The following CDC42BPA variants were observed in gnomAD, a reference collection of about 807,000 sequenced individuals.
The protein encoded by CDC42BPA is CDC42 binding protein kinase alpha.
CDC42BPA carries 80 observed loss-of-function variants against 223.5 expected under a neutral mutation model. That is an observed-to-expected ratio of 0.36 (90% CI 0.30 to 0.43). The LOEUF (loss-of-function observed/expected upper bound fraction) is 0.43. Ranked by LOEUF, CDC42BPA falls within the 20% of genes least tolerant of loss-of-function variation. The pLI is 1.00. For missense variants in CDC42BPA, 1,743 were observed against 2,099.9 expected, an observed-to-expected ratio of 0.83 and a Z score of 3.32; for synonymous variants, 694 against 718.6, an observed-to-expected ratio of 0.97 and a Z score of 0.55.
intron 5 of CDC42BPA, among the ~76,000 whole-genome samples, chr1:227,185,782 A>G (rs1351153471): frequency 6.6e-6 from 1 of 152,070 alleles, no homozygotes; most frequent in Non-Finnish European, 1.5e-5. Context: ...CTTAAGAGGA[A>G]GAATCTGGTG....
intron 1 of CDC42BPA, among the ~76,000 whole-genome samples, chr1:227,288,330 G>A (rs115576012): frequency 0.05 from 7,622 of 152,180 alleles, 240 homozygotes; most frequent in Non-Finnish European, 0.073. Context: ...AGCTGTGATC[G>A]TGCCACTATA....
intron 15 of CDC42BPA, among the ~76,000 whole-genome samples, chr1:227,093,827 T>C (rs958425884): frequency 2.0e-5 from 3 of 152,214 alleles, no homozygotes; most frequent in South Asian, 2.1e-4. Flanking sequence ...GGACAACATA[T>C]TGGAACCTTC....
In CDC42BPA at chr1:227,317,817, G is replaced by A. The variant is rs1017859473; in HGVS notation, c.-635C>T. The A allele has an allele frequency of 1.3e-5, 5 of 398,598 alleles. No individual in the cohort carries two copies. The highest frequency in any genetic ancestry group is 1.0e-4 in the African/African-American group (5 of 48,652). 24.7% of individuals were successfully genotyped at this position (398,598 alleles called of 1,614,324 possible). A position where few individuals can be genotyped will look rare whatever the true frequency, so the allele number is the denominator to read the frequency against. On this transcript the variant is annotated 5_prime_UTR_variant, in exon 1 of 37. Transcript: ENST00000366766. ...AGCCCCTCGGCTCGGAGCACGCCAAGTCTTGCCCGGAGGCGGCTTTTCGTT... is the reference window on the plus strand; with the variant it reads ...AGCCCCTCGGCTCGGAGCACGCCAAATCTTGCCCGGAGGCGGCTTTTCGTT...
chr1:227,311,128 C>A (rs1693464909), intron 1 of CDC42BPA, among the ~76,000 whole-genome samples: 1 of 152,050 alleles, frequency 6.6e-6, no homozygotes, highest in Non-Finnish European at 1.5e-5. Flanking sequence ...CCAAGGCAGG[C>A]GGATCACTTG....
chr1:227,298,337 C>T (rs1483448222), intron 1 of CDC42BPA, among the ~76,000 whole-genome samples: 3 of 150,876 alleles, frequency 2.0e-5, no homozygotes, highest in Non-Finnish European at 4.4e-5. Flanking sequence ...ATTATAATTG[C>T]CCTTACTCAA....
At chr1:227,102,211 T>C (rs554110946) in intron 14 of CDC42BPA, among the ~76,000 whole-genome samples, 1 of 152,264 alleles carries the variant, frequency 6.6e-6, no homozygotes, top group East Asian at 1.9e-4. Flanking sequence ...GACTCCTTCA[T>C]GTTTGAAGTA....
intron 16 of CDC42BPA, among the ~76,000 whole-genome samples, chr1:227,084,218 TTTAAG>T (rs1217634727): frequency 5.3e-5 from 8 of 152,326 alleles, no homozygotes; most frequent in African/African-American, 1.2e-4. Context: ...AAGTTCTTGC[TTTAAG>T]TTTTTAGAAA....
chr1:227,250,472 G>C (rs1681779155), intron 2 of CDC42BPA, among the ~76,000 whole-genome samples: 1 of 151,768 alleles, frequency 6.6e-6, no homozygotes, highest in African/African-American at 2.4e-5. Context: ...TGGGCGACAA[G>C]AGCAAAACTC....
chr1:227,107,291 A>G (rs188732509), intron 14 of CDC42BPA, among the ~76,000 whole-genome samples: 48 of 152,344 alleles, frequency 3.2e-4, no homozygotes, highest in Non-Finnish European at 5.0e-4. Context: ...CTTTAGATGC[A>G]ATTGTTAAGT....
intron 1 of CDC42BPA, among the ~76,000 whole-genome samples, chr1:227,281,881 A>G (rs889536879): frequency 1.3e-5 from 2 of 152,164 alleles, no homozygotes; most frequent in Non-Finnish European, 2.9e-5. Context: ...TCAGGAAAAA[A>G]GAGTTCTAAT....
Position 227,295,944 on chromosome 1 carries a change from A to T in CDC42BPA, c.178+21061T>A, listed in dbSNP as rs79002503. Among the ~76,000 whole-genome samples, 21 of 152,366 alleles carry T rather than the reference A, an allele frequency of 1.4e-4. No homozygotes were observed. The East Asian group carries it at 3.9e-3, about 28-fold the overall frequency. On this transcript the variant is annotated intron_variant, in intron 1 of 36. Transcript: ENST00000366766. ...AACTGGAAATAAAGCTAGAAAACAC[A>T]GTCAATCGGGTTTTGTTAATAAAGA...
rs1423647169 is a variant in CDC42BPA at position 227,244,493 on chromosome 1, G to A, written c.270+9571C>T. Among the ~76,000 whole-genome samples the A allele has an allele frequency of 3.5e-5, 3 of 86,560 alleles. No homozygotes were observed. The East Asian group carries it at 7.4e-4, about 21-fold the overall frequency. The allele number at this position is 86,560 out of a possible 152,430, so 56.8% of individuals were successfully genotyped here. A position where few individuals can be genotyped will look rare whatever the true frequency, so the allele number is the denominator to read the frequency against. ...TAACAAGGAAGTGATTATTCACATG[G>A]TGGGGGGGGGCAATGGGAGCCTATC... On this transcript the variant is annotated intron_variant, in intron 2 of 36. Transcript: ENST00000366766.
chr1:227,134,268 G>A (rs1193807439), intron 10 of CDC42BPA, among the ~76,000 whole-genome samples: 3 of 151,748 alleles, frequency 2.0e-5, no homozygotes, highest in African/African-American at 7.3e-5. Flanking sequence ...ATTCTAGAAG[G>A]CCCTCTATCT....
At chr1:227,112,244 T>G in intron 14 of CDC42BPA, 68 bp downstream of exon 14, 2 of 857,946 alleles carry the variant, frequency 2.3e-6, no homozygotes, top group Non-Finnish European at 3.6e-6. Flanking sequence ...GTATACAAGC[T>G]AACACTCCTA....
intron 5 of CDC42BPA, among the ~76,000 whole-genome samples, chr1:227,190,378 C>A (rs966458567): frequency 1.3e-5 from 2 of 152,176 alleles, no homozygotes; most frequent in Admixed American, 1.3e-4. Flanking sequence ...TTTTAGATGA[C>A]ATCTGAATCA....
chr1:227,260,555 CAGAA>C (rs4066020), intron 1 of CDC42BPA, among the ~76,000 whole-genome samples: 43,132 of 150,038 alleles, frequency 0.29, 6,850 homozygotes, highest in East Asian at 0.37. Context: ...ACCATGGTGT[CAGAA>C]AGAAAGTGTC....
At chr1:227,009,580 T>C (rs907759949) in intron 34 of CDC42BPA, among the ~76,000 whole-genome samples, 3 of 152,016 alleles carry the variant, frequency 2.0e-5, no homozygotes, top group African/African-American at 7.3e-5. Flanking sequence ...AACTAATTTT[T>C]TTATTTTTAT....
intron 11 of CDC42BPA, among the ~76,000 whole-genome samples, chr1:227,126,498 AG>A (rs1248666668): frequency 2.4e-5 from 3 of 123,258 alleles, no homozygotes; most frequent in Admixed American, 7.9e-5. Flanking sequence ...GAAGGAAGGA[AG>A]GAAGGAAGGA....
intron 21 of CDC42BPA, among the ~76,000 whole-genome samples, chr1:227,060,249 T>C (rs1477771153): frequency 6.6e-6 from 1 of 152,176 alleles, no homozygotes; most frequent in East Asian, 1.9e-4. Flanking sequence ...GCCAGGATGG[T>C]CTCGATCTCC....
Sources: allele counts gnomAD v4.1 joint callset (sites outside exome capture counted in the v4.1 genomes callset), GRCh38; gene constraint gnomAD v4.1.1; transcripts MANE v1.5; gene names NCBI Gene and HGNC (gene_info 2026-07-23, HGNC 2026-07-21).